ATP6V1G3: variants seen among roughly 807,000 people sequenced by gnomAD.
ATP6V1G3 encodes V-type proton ATPase subunit G 3.
A neutral mutation model predicts 9.3 loss-of-function variants in ATP6V1G3; 9 were observed. That is an observed-to-expected ratio of 0.97 (90% CI 0.59 to 1.69). The LOEUF (loss-of-function observed/expected upper bound fraction) is 1.69, where lower values mean the gene tolerates loss of function less well. Ranked by LOEUF, ATP6V1G3 falls within the 40% of genes most tolerant of loss-of-function variation. The probability of loss-of-function intolerance (pLI) is 0.00; values close to 1 mark genes in which losing one functional copy is unlikely to be tolerated. For synonymous variants in ATP6V1G3, 43 were observed against 43.8 expected, an observed-to-expected ratio of 0.98 and a Z score of 0.07; for missense variants, 133 against 139.0, an observed-to-expected ratio of 0.96 and a Z score of 0.22.
intron 1 of ATP6V1G3, among the ~76,000 whole-genome samples, chr1:198,530,005 G>T (rs573339738): frequency 5.3e-5 from 8 of 152,106 alleles, no homozygotes; most frequent in African/African-American, 1.9e-4. Context: ...GTAAGTTTGG[G>T]GGGGGTTACA....
At position 198,540,503 on chromosome 1, in the gene ATP6V1G3, T is replaced by C; in HGVS notation, c.82+66A>G. 2.0e-6 allele frequency: 3 copies of C among 1,532,172 alleles called. No individual in the cohort carries two copies. In the Admixed American group the frequency reaches 5.0e-5, roughly 26 times the overall value. 94.9% of individuals were successfully genotyped at this position (1,532,172 alleles called of 1,614,324 possible). On this transcript the variant is annotated intron_variant, in intron 1 of 2. Transcript: ENST00000367382. ...ACAAGGTCTGCCTAATCCAAAAGTCTATGCTTATCCCTGCATTCCACTGCT... is the reference window on the plus strand; with the variant it reads ...ACAAGGTCTGCCTAATCCAAAAGTCCATGCTTATCCCTGCATTCCACTGCT...
chr1:198,535,813 A>G (rs1280622046), intron 1 of ATP6V1G3, among the ~76,000 whole-genome samples: 1 of 152,160 alleles, frequency 6.6e-6, no homozygotes, highest in East Asian at 1.9e-4. Flanking sequence ...CACACAGCTA[A>G]TAAGAAGCAG....
At chr1:198,532,825 C>T (rs1402333074) in intron 1 of ATP6V1G3, among the ~76,000 whole-genome samples, 16 of 152,120 alleles carry the variant, frequency 1.1e-4, no homozygotes, top group Non-Finnish European at 8.8e-5. Context: ...AGAGCAAAAA[C>T]ACCATCATGG....
chr1:198,540,389 C>G (rs1014390325), intron 1 of ATP6V1G3, among the ~76,000 whole-genome samples, 180 bp downstream of exon 1: 1 of 152,170 alleles, frequency 6.6e-6, no homozygotes, highest in Non-Finnish European at 1.5e-5. Context: ...GAAACTTCAT[C>G]CCTGCTCTAG....
intron 2 of ATP6V1G3, among the ~76,000 whole-genome samples, chr1:198,524,260 G>A (rs1360872322): frequency 6.6e-6 from 1 of 151,850 alleles, no homozygotes; most frequent in African/African-American, 2.4e-5. Flanking sequence ...AAGTAGCTGG[G>A]ACTACAGGCG....
intron 1 of ATP6V1G3, among the ~76,000 whole-genome samples, chr1:198,532,615 A>C (rs576588532): frequency 1.3e-5 from 2 of 152,320 alleles, no homozygotes; most frequent in South Asian, 4.1e-4. Flanking sequence ...GGGGTAAAGA[A>C]AGATGGTGGA....
intron 1 of ATP6V1G3, among the ~76,000 whole-genome samples, chr1:198,534,617 C>A (rs932384559): frequency 2.0e-5 from 3 of 152,122 alleles, no homozygotes; most frequent in Admixed American, 2.0e-4. Flanking sequence ...GAGACAAAGC[C>A]AGATACCCTA....
chr1:198,536,793 C>G (rs759743452), intron 1 of ATP6V1G3: 2 of 1,216,030 alleles, frequency 1.6e-6, no homozygotes, highest in Non-Finnish European at 2.4e-6. Context: ...ATCATTATTA[C>G]TTACAGTAAC....
rs975754663 is a variant in ATP6V1G3, at chr1:198,537,320, A to T, written c.82+3249T>A. Among the ~76,000 whole-genome samples the T allele has an allele frequency of 2.6e-5, 4 of 152,198 alleles. No homozygotes were observed. In the East Asian group the frequency reaches 7.7e-4, roughly 29 times the overall value. On this transcript the variant is annotated intron_variant, in intron 1 of 2. Transcript: ENST00000367382. ...AATATATTAATATTTTTTCAGCATA[A>T]TATAAAAATAACCATATTAATCTTG...
intron 2 of ATP6V1G3, among the ~76,000 whole-genome samples, chr1:198,525,033 GA>G (rs1659600601): frequency 6.6e-6 from 1 of 152,104 alleles, no homozygotes; most frequent in African/African-American, 2.4e-5. Context: ...TCAGTTCAAA[GA>G]AAATAATTTT....
chr1:198,536,581 C>T, intron 1 of ATP6V1G3: 1 of 994,272 alleles, frequency 1.0e-6, no homozygotes, highest in Non-Finnish European at 1.5e-6. Flanking sequence ...AATAGTAAGG[C>T]AGTTTTGCAC....
intron 2 of ATP6V1G3, among the ~76,000 whole-genome samples, chr1:198,525,903 G>A (rs1659635656): frequency 6.6e-6 from 1 of 152,094 alleles, no homozygotes; most frequent in Non-Finnish European, 1.5e-5. Flanking sequence ...TTATAAAGAT[G>A]ACTCTTAGCT....
At position 198,536,631 on chromosome 1, in the gene ATP6V1G3, G is replaced by A. The variant is rs770037184; in HGVS notation, c.82+3938C>T. ...GAGCTTTAACTAATAAATATAACCTGTAATCAGTGAATACAGGAAAGTATC... is the reference window on the plus strand; with the variant it reads ...GAGCTTTAACTAATAAATATAACCTATAATCAGTGAATACAGGAAAGTATC... On this transcript the variant is annotated intron_variant, in intron 1 of 2. Coordinates refer to ENST00000367382, the MANE Select transcript of ATP6V1G3 (RefSeq NM_001376861.1). 9 of 1,473,526 alleles carry A rather than the reference G, an allele frequency of 6.1e-6. No homozygotes were observed. The East Asian group carries it at 1.4e-4, about 22-fold the overall frequency. The allele number at this position is 1,473,526 out of a possible 1,614,324, so 91.3% of individuals were successfully genotyped here. A position where few individuals can be genotyped will look rare whatever the true frequency, so the allele number is the denominator to read the frequency against.
chr1:198,534,844 A>G (rs1660043256), intron 1 of ATP6V1G3, among the ~76,000 whole-genome samples: 1 of 152,238 alleles, frequency 6.6e-6, no homozygotes, highest in Non-Finnish European at 1.5e-5. Flanking sequence ...GCGATTGTCA[A>G]TATTGTGATA....
chr1:198,535,409 C>T (rs977895136), intron 1 of ATP6V1G3, among the ~76,000 whole-genome samples: 1 of 151,576 alleles, frequency 6.6e-6, no homozygotes, highest in Non-Finnish European at 1.5e-5. Context: ...TATTTGGAAG[C>T]AAATAGGAAA....
chr1:198,529,403 A>G (rs1470260731), intron 1 of ATP6V1G3, among the ~76,000 whole-genome samples: 1 of 151,772 alleles, frequency 6.6e-6, no homozygotes, highest in African/African-American at 2.4e-5. Context: ...AAAAAAATAG[A>G]TATTGAAAAT....
At position 198,529,184 on chromosome 1, in the gene ATP6V1G3, G is replaced by T. The variant is rs755428204; in HGVS notation, c.83-3C>A. On this transcript the variant is annotated splice_region_variant and splice_polypyrimidine_tract_variant and intron_variant, in intron 1 of 2. Coordinates refer to ENST00000367382, the MANE Select transcript of ATP6V1G3 (RefSeq NM_001376861.1). ...TTGCTTCAATCGCTTTCCTTTTCCT[G>T]AAAATTAACAAATATATATATATAT... 3.8e-6 allele frequency: 4 copies of T among 1,043,238 alleles called. No homozygotes were observed. The highest frequency in any genetic ancestry group is 3.6e-5 in the African/African-American group (2 of 55,432). The allele number at this position is 1,043,238 out of a possible 1,614,324, so 64.6% of individuals were successfully genotyped here.
At chr1:198,536,924 G>T (rs187245150) in intron 1 of ATP6V1G3, among the ~76,000 whole-genome samples, 1 of 152,092 alleles carries the variant, frequency 6.6e-6, no homozygotes, top group Admixed American at 6.6e-5. Context: ...GTGTGTGTGC[G>T]TGTATTATAA....
In ATP6V1G3 at chr1:198,526,857, T is replaced by C. The variant is rs563262414; in HGVS notation, c.183+2224A>G. ...TACTTAGATTCATGATCTATCTGACTTTTACTTGTATTAACAACATATTTA... is the reference window on the plus strand; with the variant it reads ...TACTTAGATTCATGATCTATCTGACCTTTACTTGTATTAACAACATATTTA... On this transcript the variant is annotated intron_variant, in intron 2 of 2. Coordinates refer to ENST00000367382, the MANE Select transcript of ATP6V1G3 (RefSeq NM_001376861.1). 4.6e-5 allele frequency among the ~76,000 whole-genome samples: 7 copies of C among 152,304 alleles called. No homozygotes were observed. In the South Asian group the frequency reaches 1.4e-3, roughly 32 times the overall value.
Sources: gnomAD v4.1 joint callset for allele counts (sites outside exome capture counted in the v4.1 genomes callset) on GRCh38, gnomAD v4.1.1 for gene constraint, MANE v1.5 for transcripts, NCBI Gene and HGNC (gene_info 2026-07-23, HGNC 2026-07-21) for gene names.